Variants in FAM227A observed in about 807,000 individuals in gnomAD.
The protein encoded by FAM227A is protein FAM227A.
Under a neutral mutation model 74.7 loss-of-function variants are expected in FAM227A, and 80 were observed. That is an observed-to-expected ratio of 1.07 (90% CI 0.89 to 1.29). The LOEUF is 1.29. Among genes scored for constraint, FAM227A ranks in the 50% most tolerant of loss-of-function variants. The pLI is 0.00. For synonymous variants in FAM227A, 237 were observed against 241.8 expected (o/e 0.98, Z 0.19); for missense variants, 654 against 683.4 (o/e 0.96, Z 0.48).
At chr22:38,590,386 G>A (rs1004785818) in intron 16 of FAM227A, among the ~76,000 whole-genome samples, 2 of 152,112 alleles carry the variant, frequency 1.3e-5, no homozygotes, top group African/African-American at 4.8e-5. Flanking sequence ...CCAGCAAAGT[G>A]GACATGGCTT....
intron 3 of FAM227A, among the ~76,000 whole-genome samples, chr22:38,644,194 C>T (rs531162108): frequency 7.1e-6 from 1 of 141,814 alleles, no homozygotes; most frequent in Admixed American, 7.0e-5. Context: ...AAAAAGCATA[C>T]TAAGTGAAAG....
At chr22:38,612,652 C>T (rs191955283) in intron 11 of FAM227A, among the ~76,000 whole-genome samples, 1 of 152,196 alleles carries the variant, frequency 6.6e-6, no homozygotes. Context: ...ACCACCCCTG[C>T]CTGAGATTTC....
chr22:38,587,122 A>G (rs2090827192), intron 16 of FAM227A, among the ~76,000 whole-genome samples: 1 of 152,226 alleles, frequency 6.6e-6, no homozygotes, highest in Non-Finnish European at 1.5e-5. Flanking sequence ...CAGCAAAAGC[A>G]GTGCTAAGAG....
At chr22:38,590,063 A>G (rs1397837590) in intron 16 of FAM227A, among the ~76,000 whole-genome samples, 1 of 151,306 alleles carries the variant, frequency 6.6e-6, no homozygotes, top group Non-Finnish European at 1.5e-5. Flanking sequence ...CCTGGCCAAC[A>G]TGGTGAAACC....
chr22:38,585,725 G>T lies in FAM227A; in HGVS notation c.*400C>A. 3.9e-6 allele frequency: 1 copy of T among 257,310 alleles called. No individual in the cohort carries two copies. The highest frequency in any genetic ancestry group is 7.1e-5 in the South Asian group (1 of 14,082). 15.9% of individuals were successfully genotyped at this position (257,310 alleles called of 1,614,324 possible). On this transcript the variant is annotated 3_prime_UTR_variant, in exon 17 of 17. Coordinates refer to ENST00000535113, the MANE Select transcript of FAM227A (RefSeq NM_001013647.2). ...GAACAGGGACTGTGTCTTATCTACT[G>T]TTAATTACCCAGTGTCTACAGCAGA...
At chr22:38,626,891 A>T (rs9622834) in intron 8 of FAM227A, among the ~76,000 whole-genome samples, 906 of 57,350 alleles carry the variant, frequency 0.016, 8 homozygotes, top group Middle Eastern at 0.03. Context: ...AAAAAAAAAA[A>T]ATATATATAT....
At chr22:38,594,139 C>T (rs967025677) in intron 15 of FAM227A, among the ~76,000 whole-genome samples, 4 of 152,218 alleles carry the variant, frequency 2.6e-5, no homozygotes, top group Non-Finnish European at 5.9e-5. Flanking sequence ...TGCCTTCCGA[C>T]TTTAGCCTTG....
rs1445632324 is a variant in FAM227A, at chr22:38,585,287, T to A, written c.*838A>T. On this transcript the variant is annotated 3_prime_UTR_variant, in exon 17 of 17. Transcript: ENST00000535113. ...AGACAACATGTGCATGCTTTACCTA[T>A]AAAGTTTCTCTCAATTCTTGGACAA... The A allele has an allele frequency of 1.3e-5, 2 of 152,142 alleles. No individual in the cohort carries two copies. Among genetic ancestry groups the A allele is most frequent in the Admixed American group, 6.5e-5 (1 of 15,268 alleles). The allele number at this position is 152,142 out of a possible 1,614,324, so 9.4% of individuals were successfully genotyped here.
chr22:38,635,896 C>T lies in FAM227A; in HGVS notation c.519+555G>A, dbSNP rs112747613. 6.0e-3 allele frequency among the ~76,000 whole-genome samples: 907 copies of T among 151,796 alleles called. 6 individuals are homozygous for T. Among genetic ancestry groups the T allele is most frequent in the African/African-American group, 0.021 (875 of 41,344 alleles). On this transcript the variant is annotated intron_variant, in intron 6 of 16. Transcript: ENST00000535113. ...GTGCATGCTATTCAGGAGGTTGAGG[C>T]GGGAGGATCACCTGAGTCTGGGAGT...
rs2091128035 is a variant in FAM227A, at chr22:38,599,657, GC to G, written c.1379+106del. On this transcript the variant is annotated intron_variant, in intron 14 of 16. Coordinates refer to ENST00000535113, the MANE Select transcript of FAM227A (RefSeq NM_001013647.2). ...CACCTCTGGCGAGTACACATGGTGT[GC>G]CAGGCGCTGTGCTAAGGCCTGGGTG... 5.8e-6 allele frequency: 6 copies of G among 1,037,522 alleles called. No homozygotes were observed. In the South Asian group the frequency reaches 7.6e-5, roughly 13 times the overall value. 64.3% of individuals were successfully genotyped at this position (1,037,522 alleles called of 1,614,324 possible).
intron 16 of FAM227A, among the ~76,000 whole-genome samples, chr22:38,586,819 C>T (rs1356300281): frequency 1.3e-5 from 2 of 151,946 alleles, no homozygotes; most frequent in Admixed American, 6.6e-5. Context: ...TAGGCATGCA[C>T]CACCATGCCC....
intron 16 of FAM227A, among the ~76,000 whole-genome samples, chr22:38,588,739 T>G (rs1442666618): frequency 7.2e-6 from 1 of 137,934 alleles, no homozygotes; most frequent in Non-Finnish European, 1.5e-5. Context: ...TGGCTAACAG[T>G]GAAACCCCGT....
chr22:38,582,432 A>G lies in FAM227A; in HGVS notation c.*3693T>C, dbSNP rs1244027170. On this transcript the variant is annotated 3_prime_UTR_variant, in exon 17 of 17. Transcript: ENST00000535113. The stretch of plus-strand genomic sequence containing the variant: ...AATGACAGAATTAGAATATCATACA[A>G]TTACTCATTTGCTTTATCCCACATT... 8 of 1,548,482 alleles carry G rather than the reference A, an allele frequency of 5.2e-6. No homozygotes were observed. The Admixed American group carries it at 1.2e-4, about 23-fold the overall frequency.
chr22:38,591,391 T>C, intron 16 of FAM227A, 44 bp downstream of exon 16: 1 of 1,540,226 alleles, frequency 6.5e-7, no homozygotes, highest in Non-Finnish European at 8.7e-7. Flanking sequence ...CCCATGGTTT[T>C]TGTTCGAACA....
chr22:38,599,974 G>A lies in FAM227A; in HGVS notation c.1222-53C>T. On this transcript the variant is annotated intron_variant, in intron 13 of 16. Coordinates refer to ENST00000535113, the MANE Select transcript of FAM227A (RefSeq NM_001013647.2). ...AAGGATATTGTCATTTTTACAGTCT[G>A]TATTAAGAACCAGAAAGGCATCAAA... 6.8e-6 allele frequency: 10 copies of A among 1,460,360 alleles called. No homozygotes were observed. In the South Asian group the frequency reaches 6.9e-5, roughly 10 times the overall value. 90.5% of individuals were successfully genotyped at this position (1,460,360 alleles called of 1,614,324 possible).
chr22:38,619,564 T>C (rs1054298374), intron 11 of FAM227A, among the ~76,000 whole-genome samples: 2 of 152,212 alleles, frequency 1.3e-5, no homozygotes, highest in Non-Finnish European at 2.9e-5. Context: ...TCTCAAGTGA[T>C]CTGCCTGCCT....
chr22:38,614,306 C>A (rs1011861968), intron 11 of FAM227A, among the ~76,000 whole-genome samples: 1 of 152,052 alleles, frequency 6.6e-6, no homozygotes, highest in Admixed American at 6.6e-5. Flanking sequence ...AACTTTTTAT[C>A]TTTAAAAATA....
rs199568591 is a variant in FAM227A, at chr22:38,599,851, A to G, written c.1292T>C (p.Ile431Thr). The G allele has an allele frequency of 1.3e-6, 2 of 1,551,654 alleles. No homozygotes were observed. Among genetic ancestry groups the G allele is most frequent in the Non-Finnish European group, 1.7e-6 (2 of 1,146,968 alleles). ...GGCATAGTTCTGGAGAAAGTACACA[A>G]TCAGAGGGCTCTTCCCATAAATGTT... ...LFNIYGKSPL[I>T]VYFLQNYASL... is the part of the protein sequence containing the mutation. Residue 431 changes from isoleucine (I) to threonine (T), a missense_variant, in exon 14 of 17, where the codon ATT becomes ACT. Coordinates refer to ENST00000535113, the MANE Select transcript of FAM227A (RefSeq NM_001013647.2).
At chr22:38,634,221 C>CAAAAA (rs34039010) in intron 6 of FAM227A, among the ~76,000 whole-genome samples, 6 of 62,126 alleles carry the variant, frequency 9.7e-5, no homozygotes, top group African/African-American at 1.2e-4. Context: ...GACTCTGTCT[C>CAAAAA]AAAAAAAAAA....
Sources: allele counts gnomAD v4.1 joint callset (sites outside exome capture counted in the v4.1 genomes callset), GRCh38; gene constraint gnomAD v4.1.1; transcripts MANE v1.5; gene names NCBI Gene and HGNC (gene_info 2026-07-23, HGNC 2026-07-21).